PTPRM: variants seen among roughly 807,000 people sequenced by gnomAD.
The protein encoded by PTPRM is receptor-type tyrosine-protein phosphatase mu.
A neutral mutation model predicts 186.7 loss-of-function variants in PTPRM; 47 were observed. That is an observed-to-expected ratio of 0.25 (90% confidence interval 0.20 to 0.32). PTPRM has a LOEUF of 0.32. PTPRM is among the 10% of genes least tolerant of loss of function. The probability of loss-of-function intolerance (pLI) is 1.00; values close to 1 mark genes in which losing one functional copy is unlikely to be tolerated. For missense variants in PTPRM, 1,494 were observed against 1,865.0 expected (o/e 0.80, Z 3.66); for synonymous variants, 668 against 674.9 (o/e 0.99, Z 0.16).
At position 8,398,539 on chromosome 18, in the gene PTPRM, G is replaced by T. The variant is rs539646146; in HGVS notation, c.4344+3928G>T. On this transcript the variant is annotated intron_variant, in intron 32 of 32. Coordinates refer to ENST00000580170, the MANE Select transcript of PTPRM (RefSeq NM_001105244.2). Reference sequence around the variant, plus strand: ...CCAGCACTTAGGGAGGCCGAGGTGGGCAGATCACCTGAGGTCAGGAGTTTG... The same window carrying T: ...CCAGCACTTAGGGAGGCCGAGGTGGTCAGATCACCTGAGGTCAGGAGTTTG... 2.6e-5 allele frequency among the ~76,000 whole-genome samples: 4 copies of T among 152,212 alleles called. No individual in the cohort carries two copies. In the South Asian group the frequency reaches 6.2e-4, roughly 24 times the overall value.
Position 8,063,045 on chromosome 18 carries a change from C to T in PTPRM, c.1133-6641C>T, listed in dbSNP as rs1213300214. 1.2e-3 allele frequency among the ~76,000 whole-genome samples: 176 copies of T among 151,024 alleles called. 1 individual carries two copies. The highest frequency in any genetic ancestry group is 4.0e-3 in the African/African-American group (164 of 40,956). ...ATCAAGCCTGGGCAATGGCGGGCGCCCCTCCCCCAGCCTCGCTGCCGCCTT... is the reference window on the plus strand; with the variant it reads ...ATCAAGCCTGGGCAATGGCGGGCGCTCCTCCCCCAGCCTCGCTGCCGCCTT... On this transcript the variant is annotated intron_variant, in intron 7 of 32. Transcript: ENST00000580170.
At chr18:7,862,375 G>A (rs999364377) in intron 2 of PTPRM, among the ~76,000 whole-genome samples, 1 of 152,140 alleles carries the variant, frequency 6.6e-6, no homozygotes, top group Non-Finnish European at 1.5e-5. Flanking sequence ...ATAAAATTGT[G>A]CTTTGTCAAC....
chr18:8,341,012 G>C (rs2095471319), intron 22 of PTPRM, among the ~76,000 whole-genome samples: 1 of 152,154 alleles, frequency 6.6e-6, no homozygotes, highest in African/African-American at 2.4e-5. Flanking sequence ...CAGAGCCTTG[G>C]GTGGGGAAAC....
intron 18 of PTPRM, 62 bp downstream of exon 18, chr18:8,252,561 G>C: frequency 6.7e-7 from 1 of 1,483,010 alleles, no homozygotes; most frequent in Non-Finnish European, 9.4e-7. Flanking sequence ...GTGTCTTACT[G>C]GTAGATTCTG....
intron 2 of PTPRM, chr18:7,814,625 T>C (rs956068807): frequency 1.3e-5 from 2 of 152,208 alleles, no homozygotes; most frequent in Non-Finnish European, 2.9e-5. Context: ...GGCTCTTATA[T>C]GTGTTGAGCA....
chr18:7,672,717 C>T lies in PTPRM; in HGVS notation c.74-101432C>T, dbSNP rs531129641. Among the ~76,000 whole-genome samples, 3 of 152,310 alleles carry T rather than the reference C, an allele frequency of 2.0e-5. No homozygotes were observed. The East Asian group carries it at 5.8e-4, about 29-fold the overall frequency. On this transcript the variant is annotated intron_variant, in intron 1 of 32. Coordinates refer to ENST00000580170, the MANE Select transcript of PTPRM (RefSeq NM_001105244.2). ...AAATAATAAGAGAATAGAGGGGCGA[C>T]TCTCTCTGTGCAACTTAGTTGTGCA... is the stretch of plus-strand genomic sequence containing the variant.
At chr18:8,401,502 G>A (rs144859659) in intron 32 of PTPRM, among the ~76,000 whole-genome samples, 254 of 152,306 alleles carry the variant, frequency 1.7e-3, no homozygotes, top group Middle Eastern at 0.01. Flanking sequence ...TCACTCAGAA[G>A]AATTTTTCCA....
intron 7 of PTPRM, among the ~76,000 whole-genome samples, chr18:7,976,446 A>G (rs1195161171): frequency 1.3e-5 from 2 of 152,202 alleles, no homozygotes; most frequent in Non-Finnish European, 2.9e-5. Flanking sequence ...CCTGATATCA[A>G]TTCTGGACTT....
chr18:7,793,816 T>G (rs1338914130), intron 2 of PTPRM, among the ~76,000 whole-genome samples: 1 of 152,076 alleles, frequency 6.6e-6, no homozygotes, highest in Non-Finnish European at 1.5e-5. Flanking sequence ...CACCCCCATC[T>G]TGTCCCTATG....
intron 15 of PTPRM, 112 bp downstream of exon 15, chr18:8,244,321 C>A (rs1447873371): frequency 1.8e-6 from 2 of 1,116,570 alleles, no homozygotes; most frequent in Admixed American, 3.3e-5. Context: ...ATTTTTATGC[C>A]GTGTTGGTTT....
At chr18:8,332,223 T>C (rs7240125) in intron 22 of PTPRM, among the ~76,000 whole-genome samples, 36,003 of 152,206 alleles carry the variant, frequency 0.24, 4,398 homozygotes, top group Non-Finnish European at 0.27. Context: ...ATTGAATAAA[T>C]GATTAAAAGA....
At chr18:7,911,398 A>C (rs995739582) in intron 4 of PTPRM, among the ~76,000 whole-genome samples, 1 of 152,166 alleles carries the variant, frequency 6.6e-6, no homozygotes, top group African/African-American at 2.4e-5. Context: ...ATTCTTGCAA[A>C]TATTTATGTC....
At chr18:8,283,978 AT>A (rs1190390537) in intron 19 of PTPRM, among the ~76,000 whole-genome samples, 4 of 151,990 alleles carry the variant, frequency 2.6e-5, no homozygotes, top group Non-Finnish European at 2.9e-5. Context: ...TACTAAAAGA[AT>A]TTTTTTGTCA....
At chr18:7,891,352 A>ATTT (rs10657422) in intron 3 of PTPRM, among the ~76,000 whole-genome samples, 29 of 148,458 alleles carry the variant, frequency 2.0e-4, no homozygotes, top group African/African-American at 3.0e-4. Context: ...TAACAGGTAA[A>ATTT]TTTTTTTTTT....
chr18:8,210,091 G>T (rs555639673), intron 14 of PTPRM, among the ~76,000 whole-genome samples: 1 of 149,746 alleles, frequency 6.7e-6, no homozygotes, highest in East Asian at 2.0e-4. Context: ...GTGGCAGATC[G>T]CTTGAGGCCA....
intron 1 of PTPRM, among the ~76,000 whole-genome samples, chr18:7,726,948 G>T (rs1284866205): frequency 6.6e-6 from 1 of 152,174 alleles, no homozygotes; most frequent in African/African-American, 2.4e-5. Flanking sequence ...CTTGACAGCA[G>T]TTCATAGAAA....
rs958600525 is a variant in PTPRM at position 7,582,535 on chromosome 18, G to A, written c.73+14644G>A. 2.0e-5 allele frequency among the ~76,000 whole-genome samples: 3 copies of A among 152,338 alleles called. No homozygotes were observed. In the East Asian group the frequency reaches 5.8e-4, roughly 29 times the overall value. On this transcript the variant is annotated intron_variant, in intron 1 of 32. Coordinates refer to ENST00000580170, the MANE Select transcript of PTPRM (RefSeq NM_001105244.2). ...AAATAGTCCTCACTCCTTGGTATGT[G>A]AGGCTGCAGGGTCACATGGTAAAGA...
At position 8,175,843 on chromosome 18, in the gene PTPRM, G is replaced by A. The variant is rs117039440; in HGVS notation, c.2300+32064G>A. Among the ~76,000 whole-genome samples the A allele has an allele frequency of 7.9e-4, 121 of 152,258 alleles. No individual in the cohort carries two copies. In the East Asian group the frequency reaches 9.8e-3, roughly 12 times the overall value. On this transcript the variant is annotated intron_variant, in intron 14 of 32. Coordinates refer to ENST00000580170, the MANE Select transcript of PTPRM (RefSeq NM_001105244.2). ...ATTTTAGCGTGAGAATTGTCTCACCGGCAGAGAATTAGGTTTTCTTGCTGA... is the reference window on the plus strand; with the variant it reads ...ATTTTAGCGTGAGAATTGTCTCACCAGCAGAGAATTAGGTTTTCTTGCTGA...
intron 3 of PTPRM, among the ~76,000 whole-genome samples, chr18:7,892,712 A>G (rs1226129751): frequency 6.6e-6 from 1 of 152,228 alleles, no homozygotes. Flanking sequence ...AACAACAGAC[A>G]ATATTTCTCA....
Sources: allele counts gnomAD v4.1 joint callset (sites outside exome capture counted in the v4.1 genomes callset), GRCh38; gene constraint gnomAD v4.1.1; transcripts MANE v1.5; gene names NCBI Gene and HGNC (gene_info 2026-07-23, HGNC 2026-07-21).